Variants in GALNT13 observed in about 807,000 individuals in gnomAD.
GALNT13 encodes UDP-GalNAc:polypeptide N-acetylgalactosaminyltransferase 13.
A neutral mutation model predicts 64.2 loss-of-function variants in GALNT13; 28 were observed. The observed-to-expected ratio is 0.44, with a 90% CI of 0.32 to 0.60. The LOEUF is 0.60. GALNT13 is among the 20% of genes least tolerant of loss of function. The pLI is 0.05. For missense variants in GALNT13, 577 were observed against 669.8 expected (o/e 0.86, Z 1.53); for synonymous variants, 214 against 224.6 (o/e 0.95, Z 0.42).
chr2:154,301,464 T>C lies in GALNT13; in HGVS notation c.1031T>C (p.Val344Ala), dbSNP rs746782484. ...EIVTCSHVGH[V>A]FRKATPYTFP... ...GTTACTTGCTCCCATGTTGGTCATG[T>C]TTTTCGGAAGGCAACTCCATACACT... The change falls in exon 9 of 13, where the codon GTT becomes GCT. Residue 344 changes from valine (V) to alanine (A), a missense_variant. Transcript: ENST00000392825. 6.2e-7 allele frequency: 1 copy of C among 1,613,696 alleles called. No homozygotes were observed. Among genetic ancestry groups the C allele is most frequent in the Non-Finnish European group, 8.5e-7 (1 of 1,179,704 alleles).
the GALNT13 span, among the ~76,000 whole-genome samples, chr2:153,554,889 G>A: frequency 6.6e-6 from 1 of 151,948 alleles, no homozygotes; most frequent in Non-Finnish European, 1.5e-5. Flanking sequence ...GTATGTGTAC[G>A]AGAGAAAATT....
At chr2:154,150,908 GT>G (rs1417970347) in intron 4 of GALNT13, among the ~76,000 whole-genome samples, 1 of 152,042 alleles carries the variant, frequency 6.6e-6, no homozygotes, top group Non-Finnish European at 1.5e-5. Flanking sequence ...TTTTTGAAGG[GT>G]TTTTTGTGTC....
chr2:153,998,975 C>G lies in GALNT13; in HGVS notation c.142+54336C>G, dbSNP rs966897532. 9.9e-5 allele frequency among the ~76,000 whole-genome samples: 15 copies of G among 152,024 alleles called. 1 individual carries two copies. The highest frequency in any genetic ancestry group is 9.8e-4 in the Admixed American group (15 of 15,238). On this transcript the variant is annotated intron_variant, in intron 3 of 12. Transcript: ENST00000392825. ...AATATTGTGAAAATGGCCAAACTGC[C>G]CAAAGTAATTTATAGAATCATGCTA...
At chr2:154,052,786 G>A (rs952462491) in intron 3 of GALNT13, among the ~76,000 whole-genome samples, 1 of 150,366 alleles carries the variant, frequency 6.7e-6, no homozygotes, top group Non-Finnish European at 1.5e-5. Flanking sequence ...GCCCAGGCTG[G>A]AGTGCAGTGG....
the GALNT13 span, among the ~76,000 whole-genome samples, chr2:153,701,029 A>G: frequency 2.6e-5 from 4 of 152,208 alleles, no homozygotes; most frequent in African/African-American, 9.7e-5. Context: ...AAAAGCCCAT[A>G]TAGGGAAGAC....
the GALNT13 span, among the ~76,000 whole-genome samples, chr2:153,607,043 C>T: frequency 9.2e-5 from 14 of 151,974 alleles, no homozygotes; most frequent in Non-Finnish European, 1.3e-4. Flanking sequence ...AGATGCCCCT[C>T]AGCCTGATCC....
intron 4 of GALNT13, among the ~76,000 whole-genome samples, chr2:154,200,364 T>C (rs560564226): frequency 5.5e-4 from 84 of 152,108 alleles, no homozygotes; most frequent in Non-Finnish European, 7.5e-4. Flanking sequence ...TGTGGTCTGG[T>C]AAGAGTATGG....
At chr2:153,440,062 C>T in the GALNT13 span, among the ~76,000 whole-genome samples, 2 of 152,148 alleles carry the variant, frequency 1.3e-5, no homozygotes, top group African/African-American at 4.8e-5. Context: ...ATCAACCCGT[C>T]ATCTACATAG....
At chr2:153,926,315 G>T (rs1416350009) in intron 2 of GALNT13, 1 of 151,896 alleles carries the variant, frequency 6.6e-6, no homozygotes, top group Admixed American at 6.6e-5. Flanking sequence ...GGAAATACAG[G>T]CTGCAATGGT....
intron 2 of GALNT13, among the ~76,000 whole-genome samples, chr2:153,911,837 A>G (rs966249596): frequency 1.3e-5 from 2 of 151,910 alleles, no homozygotes; most frequent in African/African-American, 4.8e-5. Flanking sequence ...TGGTGCCTTT[A>G]TCATTTTTTA....
At chr2:153,472,605 T>G in the GALNT13 span, among the ~76,000 whole-genome samples, 1 of 152,192 alleles carries the variant, frequency 6.6e-6, no homozygotes. Context: ...AAAATGGGAT[T>G]AGGCAGGGCA....
At chr2:153,867,359 T>C (rs1272639207), upstream of GALNT13, among the ~76,000 whole-genome samples, 2 of 151,260 alleles carry the variant, frequency 1.3e-5, no homozygotes, top group African/African-American at 2.4e-5. Flanking sequence ...GTGATCGATA[T>C]GTTATGGCAT....
At chr2:153,387,227 T>C in the GALNT13 span, among the ~76,000 whole-genome samples, 1 of 152,104 alleles carries the variant, frequency 6.6e-6, no homozygotes, top group Non-Finnish European at 1.5e-5. Flanking sequence ...AGTTATAGTA[T>C]TTGGTATCTG....
intron 3 of GALNT13, among the ~76,000 whole-genome samples, chr2:154,095,179 C>A (rs538105601): frequency 6.6e-6 from 1 of 151,674 alleles, no homozygotes; most frequent in African/African-American, 2.4e-5. Flanking sequence ...CATATACAGC[C>A]GGTTAATTGG....
chr2:154,417,787 C>T (rs566102725), intron 11 of GALNT13, among the ~76,000 whole-genome samples: 2 of 152,172 alleles, frequency 1.3e-5, no homozygotes, highest in South Asian at 4.1e-4. Flanking sequence ...GCTGGGATTA[C>T]AGGTGTGAGC....
chr2:154,427,782 G>T (rs62172357), intron 11 of GALNT13, among the ~76,000 whole-genome samples: 8,452 of 152,172 alleles, frequency 0.056, 286 homozygotes, highest in Middle Eastern at 0.085. Flanking sequence ...TGAACAAACC[G>T]CTGAGCTAAC....
the GALNT13 span, among the ~76,000 whole-genome samples, chr2:153,663,490 G>A: frequency 6.6e-5 from 10 of 152,104 alleles, no homozygotes; most frequent in African/African-American, 1.2e-4. Context: ...TGAGCTTCAA[G>A]CTATTCCATG....
chr2:153,829,936 G>A, the GALNT13 span, among the ~76,000 whole-genome samples: 1 of 152,084 alleles, frequency 6.6e-6, no homozygotes, highest in South Asian at 2.1e-4. Flanking sequence ...GGGGAGATCT[G>A]TTTGCTCTGA....
the GALNT13 span, among the ~76,000 whole-genome samples, chr2:153,641,937 A>C: frequency 6.6e-6 from 1 of 152,024 alleles, no homozygotes; most frequent in Admixed American, 6.6e-5. Flanking sequence ...TATATGTCAT[A>C]AAATTATTCT....
Sources: allele counts gnomAD v4.1 joint callset (sites outside exome capture counted in the v4.1 genomes callset), GRCh38; gene constraint gnomAD v4.1.1; transcripts MANE v1.5; gene names NCBI Gene and HGNC (gene_info 2026-07-23, HGNC 2026-07-21).